The following SLC15A2 variants were observed in gnomAD, a reference collection of about 807,000 sequenced individuals.
SLC15A2 encodes solute carrier family 15 member 2.
SLC15A2 carries 77 observed loss-of-function variants against 95.5 expected under a neutral mutation model. That is an observed-to-expected ratio of 0.81 (90% confidence interval 0.67 to 0.97). SLC15A2 has a LOEUF of 0.97. Ranked by LOEUF, SLC15A2 falls within the 50% of genes least tolerant of loss-of-function variation. SLC15A2 has a pLI of 0.00. For missense variants in SLC15A2, 893 were observed against 874.4 expected, an observed-to-expected ratio of 1.02 and a Z score of -0.27; for synonymous variants, 306 against 306.9, an observed-to-expected ratio of 1.00 and a Z score of 0.03.
In SLC15A2 at chr3:121,939,405, G is replaced by A; in HGVS notation, c.1818G>A (p.Met606Ile). The A allele has an allele frequency of 6.3e-7, 1 of 1,582,230 alleles. No individual in the cohort carries two copies. Among genetic ancestry groups the A allele is most frequent in the South Asian group, 1.2e-5 (1 of 85,816 alleles). ...TTGAAGACATTCCAGCCAACAAAAT[G>A]TCCATTGCGTGGCAGCTACCACAAT... ...WKIEDIPANK[M>I]SIAWQLPQYA... Residue 606 changes from methionine to isoleucine, a missense_variant, in exon 20 of 22, where the codon ATG becomes ATA. Met to Ile is a conservative substitution (Grantham distance 10). Coordinates refer to ENST00000489711, the MANE Select transcript of SLC15A2 (RefSeq NM_021082.4).
intron 3 of SLC15A2, among the ~76,000 whole-genome samples, chr3:121,907,680 T>C (rs1300151838): frequency 1.3e-5 from 2 of 152,228 alleles, no homozygotes; most frequent in Non-Finnish European, 2.9e-5. Flanking sequence ...GTATCACCAG[T>C]GGAGGCTGCA....
chr3:121,935,904 T>G (rs2107610586), intron 19 of SLC15A2, among the ~76,000 whole-genome samples: 2 of 152,328 alleles, frequency 1.3e-5, no homozygotes, highest in African/African-American at 4.8e-5. Context: ...GGGCATTTAG[T>G]GCTATAAATT....
intron 19 of SLC15A2, among the ~76,000 whole-genome samples, chr3:121,934,941 A>G (rs1710308907): frequency 6.6e-6 from 1 of 150,990 alleles, no homozygotes; most frequent in South Asian, 2.1e-4. Context: ...ACATCCCATC[A>G]ATACCTAATT....
chr3:121,922,313 A>C lies in SLC15A2; in HGVS notation c.780+11A>C, dbSNP rs559991861. On this transcript the variant is annotated intron_variant, in intron 8 of 21. Coordinates refer to ENST00000489711, the MANE Select transcript of SLC15A2 (RefSeq NM_021082.4). ...TTCAAATGTATCTGGGTAAGTCCAT[A>C]AATTGTTTTCTTGCCTTTTTCAATC... The C allele has an allele frequency of 8.7e-6, 14 of 1,610,224 alleles. No homozygotes were observed. In the East Asian group the frequency reaches 3.1e-4, roughly 36 times the overall value.
Position 121,940,489 on chromosome 3 carries a change from GTA to G in SLC15A2, c.2013+3_2013+4del. The G allele has an allele frequency of 1.2e-6, 2 of 1,609,408 alleles. No individual in the cohort carries two copies. The highest frequency in any genetic ancestry group is 2.7e-5 in the African/African-American group (2 of 74,930). On this transcript the variant is annotated splice_donor_variant and splice_donor_region_variant and intron_variant, in intron 21 of 21. Coordinates refer to ENST00000489711, the MANE Select transcript of SLC15A2 (RefSeq NM_021082.4). LOFTEE classifies it high-confidence loss of function. ...GGCACAGTTCAGTGGCCTGGTACAG[GTA>G]TGGATCTGAGGGAAGCAGGATTCAT...
chr3:121,899,862 T>C (rs1709490954), intron 3 of SLC15A2, among the ~76,000 whole-genome samples: 1 of 152,208 alleles, frequency 6.6e-6, no homozygotes, highest in South Asian at 2.1e-4. Context: ...GGTAAGAATT[T>C]CTTCATTAGC....
rs561460277 is a variant in SLC15A2 at position 121,922,141 on chromosome 3, G to C, written c.698-79G>C. Reference sequence around the variant, plus strand: ...GTTATTGTGGTTTTTGCCATTGAAAGTAATGGCAAAACTGCAATAACCTTT... The same window carrying C: ...GTTATTGTGGTTTTTGCCATTGAAACTAATGGCAAAACTGCAATAACCTTT... On this transcript the variant is annotated intron_variant, in intron 7 of 21. Coordinates refer to ENST00000489711, the MANE Select transcript of SLC15A2 (RefSeq NM_021082.4). 520 of 1,195,394 alleles carry C rather than the reference G, an allele frequency of 4.4e-4. 2 individuals carry two copies. Among genetic ancestry groups the C allele is most frequent in the Non-Finnish European group, 1.1e-4 (90 of 821,332 alleles). 74.0% of individuals were successfully genotyped at this position (1,195,394 alleles called of 1,614,324 possible). A position where few individuals can be genotyped will look rare whatever the true frequency, so the allele number is the denominator to read the frequency against.
At chr3:121,937,497 C>T (rs574430901) in intron 19 of SLC15A2, among the ~76,000 whole-genome samples, 13 of 147,306 alleles carry the variant, frequency 8.8e-5, no homozygotes, top group South Asian at 4.5e-4. Flanking sequence ...CTTCCCTTCT[C>T]GCTTCATTTC....
At chr3:121,906,552 T>C (rs1438104135) in intron 3 of SLC15A2, among the ~76,000 whole-genome samples, 1 of 152,210 alleles carries the variant, frequency 6.6e-6, no homozygotes, top group Non-Finnish European at 1.5e-5. Flanking sequence ...AGGGCAGGCC[T>C]GGTGGTGACA....
chr3:121,911,477 A>C, intron 3 of SLC15A2, 97 bp from the exon 4 acceptor site: 1 of 754,992 alleles, frequency 1.3e-6, no homozygotes, highest in Non-Finnish European at 2.3e-6. Context: ...CTCCTCCTCC[A>C]TTTATCCCCA....
Position 121,939,430 on chromosome 3 carries a change from T to G in SLC15A2, c.1843T>G (p.Tyr615Asp). Reference protein sequence around the residue: ...KMSIAWQLPQYALVTAGEVMF... With the variant: ...KMSIAWQLPQDALVTAGEVMF... ...GTCCATTGCGTGGCAGCTACCACAA[T>G]ATGCCCTGGTTACAGCTGGGGAGGT... The change falls in exon 20 of 22, where the codon TAT becomes GAT. Residue 615 changes from tyrosine (Y) to aspartate (D), a missense_variant. Tyr to Asp is a radical substitution (Grantham distance 160, BLOSUM62 -3). Coordinates refer to ENST00000489711, the MANE Select transcript of SLC15A2 (RefSeq NM_021082.4). 1 of 1,577,350 alleles carries G rather than the reference T, an allele frequency of 6.3e-7. No individual in the cohort carries two copies. Among genetic ancestry groups the G allele is most frequent in the Non-Finnish European group, 8.6e-7 (1 of 1,162,490 alleles).
chr3:121,910,617 C>G (rs961347239), intron 3 of SLC15A2, among the ~76,000 whole-genome samples: 14 of 152,182 alleles, frequency 9.2e-5, no homozygotes, highest in African/African-American at 3.4e-4. Context: ...TCTCTGGCCT[C>G]TCTTTGCTAT....
At chr3:121,913,504 A>C (rs1268068692) in intron 5 of SLC15A2, among the ~76,000 whole-genome samples, 1 of 152,218 alleles carries the variant, frequency 6.6e-6, no homozygotes, top group African/African-American at 2.4e-5. Flanking sequence ...AAAAACTTCA[A>C]ACAATTGGAA....
rs372763904 is a variant in SLC15A2 at position 121,918,967 on chromosome 3, G to T, written c.698-3253G>T. On this transcript the variant is annotated intron_variant, in intron 7 of 21. Coordinates refer to ENST00000489711, the MANE Select transcript of SLC15A2 (RefSeq NM_021082.4). ...GGCCTTGCTCTGGCCCACTGGGCTC[G>T]CTCAGCCTGCGACTGGACTGGGCAT... 2.1e-4 allele frequency among the ~76,000 whole-genome samples: 32 copies of T among 152,288 alleles called. No individual in the cohort carries two copies. The East Asian group carries it at 5.2e-3, about 25-fold the overall frequency.
At chr3:121,928,257 T>A in intron 14 of SLC15A2, 164 bp from the exon 15 acceptor site, 2 of 764,186 alleles carry the variant, frequency 2.6e-6, no homozygotes, top group Non-Finnish European at 4.1e-6. Context: ...TGTTTCCCTC[T>A]CCAAGCTGCC....
At chr3:121,896,798 A>G (rs1709422269) in intron 2 of SLC15A2, among the ~76,000 whole-genome samples, 1 of 148,838 alleles carries the variant, frequency 6.7e-6, no homozygotes, top group Non-Finnish European at 1.5e-5. Context: ...CTGAAGCAGG[A>G]GGATTGCTTG....
chr3:121,913,050 T>A lies in SLC15A2; in HGVS notation c.458T>A (p.Ile153Lys). 3 of 1,613,784 alleles carry A rather than the reference T, an allele frequency of 1.9e-6. No individual in the cohort carries two copies. Among genetic ancestry groups the A allele is most frequent in the Non-Finnish European group, 2.5e-6 (3 of 1,179,726 alleles). Reference protein sequence around the residue: ...TVLSLIGLSLIALGTGGIKPC... With the variant: ...TVLSLIGLSLKALGTGGIKPC... Reference sequence around the variant, plus strand: ...CTATCATTGATCGGCCTGAGTCTAATAGCTTTGGGGACAGGAGGCATCAAA... The same window carrying A: ...CTATCATTGATCGGCCTGAGTCTAAAAGCTTTGGGGACAGGAGGCATCAAA... Residue 153 changes from isoleucine (I) to lysine (K), a missense_variant, in exon 5 of 22, where the codon ATA becomes AAA. Physicochemically the swap from Ile to Lys is moderately radical, Grantham distance 102 (BLOSUM62 -3). Coordinates refer to ENST00000489711, the MANE Select transcript of SLC15A2 (RefSeq NM_021082.4).
At chr3:121,919,414 G>A (rs957557492) in intron 7 of SLC15A2, among the ~76,000 whole-genome samples, 9 of 152,170 alleles carry the variant, frequency 5.9e-5, no homozygotes, top group South Asian at 2.1e-4. Context: ...AAAGCTCTGA[G>A]CTCCTAGAGG....
intron 19 of SLC15A2, among the ~76,000 whole-genome samples, chr3:121,934,257 G>T (rs1285402943): frequency 2.0e-5 from 3 of 152,170 alleles, no homozygotes; most frequent in Admixed American, 6.5e-5. Context: ...CTCTTTTTTG[G>T]TTCCATATGA....
Sources: gnomAD v4.1 joint callset for allele counts (sites outside exome capture counted in the v4.1 genomes callset) on GRCh38, gnomAD v4.1.1 for gene constraint, MANE v1.5 for transcripts, NCBI Gene and HGNC (gene_info 2026-07-23, HGNC 2026-07-21) for gene names.